Variants in GPC5 observed in about 807,000 individuals in gnomAD.
GPC5 encodes the protein glypican-5.
A neutral mutation model predicts 53.9 loss-of-function variants in GPC5; 47 were observed. That is an observed-to-expected ratio of 0.87 (90% CI 0.69 to 1.11). The LOEUF (loss-of-function observed/expected upper bound fraction) is 1.11, where lower values mean the gene tolerates loss of function less well. GPC5 is among the 50% of genes most tolerant of loss of function. The probability of loss-of-function intolerance (pLI) is 0.00; values close to 1 mark genes in which losing one functional copy is unlikely to be tolerated. For missense variants in GPC5, 748 were observed against 713.1 expected, an observed-to-expected ratio of 1.05 and a Z score of -0.56; for synonymous variants, 286 against 263.3, an observed-to-expected ratio of 1.09 and a Z score of -0.84.
chr13:91,850,697 C>T (rs1251331184), intron 5 of GPC5, among the ~76,000 whole-genome samples: 1 of 152,002 alleles, frequency 6.6e-6, no homozygotes, highest in Non-Finnish European at 1.5e-5. Context: ...TAACCTCACA[C>T]AAATGCCAGT....
At chr13:92,860,982 G>C (rs116369281) in intron 7 of GPC5, among the ~76,000 whole-genome samples, 1 of 152,050 alleles carries the variant, frequency 6.6e-6, no homozygotes, top group Admixed American at 6.6e-5. Context: ...AAATTAATGA[G>C]AGAGTCTCTA....
At chr13:91,820,897 A>T (rs1174829965) in intron 5 of GPC5, among the ~76,000 whole-genome samples, 1 of 151,940 alleles carries the variant, frequency 6.6e-6, no homozygotes, top group African/African-American at 2.4e-5. Flanking sequence ...CGGGAAGCGG[A>T]GCTTGCAGTG....
intron 7 of GPC5, among the ~76,000 whole-genome samples, chr13:92,509,158 A>G (rs529781861): frequency 6.6e-6 from 1 of 152,324 alleles, no homozygotes; most frequent in South Asian, 2.1e-4. Context: ...AGGCTCTATC[A>G]TGATTTACCC....
At chr13:92,729,090 A>AT (rs955478605) in intron 7 of GPC5, among the ~76,000 whole-genome samples, 13 of 151,254 alleles carry the variant, frequency 8.6e-5, no homozygotes, top group African/African-American at 1.2e-4. Flanking sequence ...CCTTGCACAC[A>AT]TTTTTTCCCC....
chr13:92,188,584 T>C (rs780551215), intron 7 of GPC5, among the ~76,000 whole-genome samples: 2 of 152,212 alleles, frequency 1.3e-5, no homozygotes, highest in African/African-American at 2.4e-5. Flanking sequence ...ATACCTATGA[T>C]GCTCATTGTT....
At chr13:91,533,162 C>G (rs575153264) in intron 2 of GPC5, among the ~76,000 whole-genome samples, 64 of 152,164 alleles carry the variant, frequency 4.2e-4, no homozygotes, top group Non-Finnish European at 7.6e-4. Context: ...TAGGCAGATT[C>G]AAAAGGAGGA....
chr13:91,415,041 C>A (rs1878089109), intron 1 of GPC5, among the ~76,000 whole-genome samples: 1 of 152,122 alleles, frequency 6.6e-6, no homozygotes, highest in Admixed American at 6.5e-5. Flanking sequence ...TCTGCTGTGG[C>A]CTATCCACTG....
intron 7 of GPC5, among the ~76,000 whole-genome samples, chr13:92,488,891 AC>A (rs1283456583): frequency 6.6e-6 from 1 of 152,232 alleles, no homozygotes; most frequent in African/African-American, 2.4e-5. Flanking sequence ...TAAAGGCTTG[AC>A]AATAAAGGCA....
intron 7 of GPC5, among the ~76,000 whole-genome samples, chr13:92,637,347 A>C (rs1483968096): frequency 6.6e-6 from 1 of 152,212 alleles, no homozygotes; most frequent in Non-Finnish European, 1.5e-5. Flanking sequence ...TTTTCAGGGG[A>C]TGTACAGATT....
intron 5 of GPC5, among the ~76,000 whole-genome samples, chr13:91,906,326 C>G (rs1332473696): frequency 2.0e-5 from 3 of 151,946 alleles, no homozygotes; most frequent in Non-Finnish European, 4.4e-5. Context: ...GTTACAATTT[C>G]TCCCTCAGTT....
intron 6 of GPC5, among the ~76,000 whole-genome samples, chr13:91,973,399 G>A (rs2040263721): frequency 6.6e-6 from 1 of 152,080 alleles, no homozygotes; most frequent in Admixed American, 6.5e-5. Flanking sequence ...TAACTTCTTT[G>A]CCATTGGTTT....
intron 6 of GPC5, among the ~76,000 whole-genome samples, chr13:92,012,518 T>C (rs148185103): frequency 3.2e-4 from 48 of 151,988 alleles, no homozygotes; most frequent in Admixed American, 1.0e-3. Flanking sequence ...CATAGCACTT[T>C]TACTGATGGT....
At chr13:91,709,122 A>G (rs1380007379) in intron 3 of GPC5, among the ~76,000 whole-genome samples, 2 of 152,180 alleles carry the variant, frequency 1.3e-5, no homozygotes, top group Non-Finnish European at 2.9e-5. Flanking sequence ...TGTCCTAGGC[A>G]CTGCTAGACA....
intron 7 of GPC5, among the ~76,000 whole-genome samples, chr13:92,527,748 A>G (rs181044655): frequency 1.3e-5 from 2 of 152,264 alleles, no homozygotes; most frequent in African/African-American, 4.8e-5. Flanking sequence ...CTTTAAATGC[A>G]TTACTTTCAT....
chr13:91,550,344 A>G (rs2030559758), intron 2 of GPC5, among the ~76,000 whole-genome samples: 1 of 152,132 alleles, frequency 6.6e-6, no homozygotes. Flanking sequence ...GTGAACCCCA[A>G]TGTAACCTAT....
chr13:92,693,564 TGA>T (rs910797222), intron 7 of GPC5, among the ~76,000 whole-genome samples: 5 of 152,202 alleles, frequency 3.3e-5, no homozygotes, highest in Admixed American at 2.6e-4. Context: ...AATTTGGACT[TGA>T]GAGAGATAAT....
At chr13:91,432,207 G>GCTGCTGCTGCTGC (rs1246211835) in intron 1 of GPC5, among the ~76,000 whole-genome samples, 2,368 of 121,220 alleles carry the variant, frequency 0.02, 66 homozygotes, top group African/African-American at 0.078. Context: ...CTGCTGCTGT[G>GCTGCTGCTGCTGC]TGTGTGTGTG....
At chr13:92,576,179 T>A (rs2139046969) in intron 7 of GPC5, among the ~76,000 whole-genome samples, 1 of 152,348 alleles carries the variant, frequency 6.6e-6, no homozygotes. Flanking sequence ...ACATTAGTTT[T>A]TGACTTCAAA....
At chr13:91,931,684 G>A (rs549782664) in intron 6 of GPC5, among the ~76,000 whole-genome samples, 40 of 152,008 alleles carry the variant, frequency 2.6e-4, no homozygotes, top group African/African-American at 8.7e-4. Context: ...CCTATGACAC[G>A]CATTGCACAT....
Sources: gnomAD v4.1 joint callset for allele counts (sites outside exome capture counted in the v4.1 genomes callset) on GRCh38, gnomAD v4.1.1 for gene constraint, MANE v1.5 for transcripts, NCBI Gene and HGNC (gene_info 2026-07-23, HGNC 2026-07-21) for gene names.